The following DHPS variants were observed in gnomAD, a reference collection of about 807,000 sequenced individuals.
The protein encoded by DHPS is migration-inducing gene 13.
A neutral mutation model predicts 38.7 loss-of-function variants in DHPS; 24 were observed. The ratio of observed to expected loss-of-function variants is 0.62; its 90% CI spans 0.45 to 0.87. DHPS has a LOEUF of 0.87. DHPS is among the 40% of genes least tolerant of loss of function. The pLI is 0.00. For synonymous variants in DHPS, 250 were observed against 204.4 expected (o/e 1.22, Z -1.90); for missense variants, 510 against 497.6 (o/e 1.02, Z -0.24).
downstream of DHPS, chr19:12,673,408 AT>A: frequency 7.5e-6 from 2 of 266,042 alleles, no homozygotes; most frequent in African/African-American, 5.8e-5. Flanking sequence ...GAAGGCTAGG[AT>A]CTTTTTTTTT....
Position 12,680,317 on chromosome 19 carries a change from C to A in DHPS, c.216G>T (p.Lys72Asn). 1 of 1,614,128 alleles carries A rather than the reference C, an allele frequency of 6.2e-7. No homozygotes were observed. The highest frequency in any genetic ancestry group is 1.1e-5 in the South Asian group (1 of 91,078). ...CATCCTGTGACAGTGGTTCCAGCTT[C>A]TTCTCGATCTGTGAGTAAGGGCCAA... ...AVQQVNAMIEKKLEPLSQDED... is the reference protein window; with the variant it reads ...AVQQVNAMIENKLEPLSQDED... The change falls in exon 2 of 9, where the codon AAG (lysine) becomes AAT (asparagine). Residue 72 changes from lysine to asparagine, a missense_variant. By Grantham distance (94) the Lys-to-Asn change is moderately conservative. Coordinates refer to ENST00000210060, the MANE Select transcript of DHPS (RefSeq NM_001930.4).
rs199984915 is a variant in DHPS at position 12,681,709 on chromosome 19, G to T, written c.58C>A (p.His20Asn). 1 of 1,613,772 alleles carries T rather than the reference G, an allele frequency of 6.2e-7. No individual in the cohort carries two copies. Among genetic ancestry groups the T allele is most frequent in the Non-Finnish European group, 8.5e-7 (1 of 1,180,022 alleles). Reference protein sequence around the residue: ...PAGALAAVLKHSSTLPPESTQ... With the variant: ...PAGALAAVLKNSSTLPPESTQ... ...CTTTCGGGCGGCAACGTCGAGCTGT[G>T]CTTTAGCACGGCGGCCAGCGCCCCC... is the stretch of plus-strand genomic sequence containing the variant. Residue 20 changes from histidine to asparagine, a missense_variant, in exon 1 of 9, where the codon CAC becomes AAC. Coordinates refer to ENST00000210060, the MANE Select transcript of DHPS (RefSeq NM_001930.4).
Position 12,679,835 on chromosome 19 carries a change from T to C in DHPS, c.460A>G (p.Arg154Gly), listed in dbSNP as rs779540769. The stretch of plus-strand genomic sequence containing the variant: ...CCGTTCTCCCGGAGCTCCTTCCCCC[T>C]GAGGCTAAACTCGCCCAAGTATGTG... ...APTYLGEFSL[R>G]GKELRENGIN... The change falls in exon 3 of 9, where the codon AGG (arginine) becomes GGG (glycine). Residue 154 changes from arginine to glycine, a missense_variant. By Grantham distance (125) the Arg-to-Gly change is moderately radical. Coordinates refer to ENST00000210060, the MANE Select transcript of DHPS (RefSeq NM_001930.4). The C allele has an allele frequency of 4.3e-6, 7 of 1,613,914 alleles. No individual in the cohort carries two copies. Among genetic ancestry groups the C allele is most frequent in the Admixed American group, 1.7e-5 (1 of 60,010 alleles).
At chr19:12,673,404 T>C, downstream of DHPS, 1 of 514,266 alleles carries the variant, frequency 1.9e-6, no homozygotes, top group South Asian at 2.2e-5. Flanking sequence ...GCCTGAAGGC[T>C]AGGATCTTTT....
At chr19:12,681,261 G>C (rs1040098531) in intron 1 of DHPS, 7 of 1,295,090 alleles carry the variant, frequency 5.4e-6, no homozygotes, top group African/African-American at 4.5e-5. Flanking sequence ...CCCTTAATTT[G>C]TCTTGCCCCA....
In DHPS at chr19:12,679,480, A is replaced by G. The variant is rs2024726180; in HGVS notation, c.655T>C (p.Ser219Pro). The change falls in exon 5 of 9, where the codon TCC (serine) becomes CCC (proline). Residue 219 changes from serine to proline, a missense_variant. Coordinates refer to ENST00000210060, the MANE Select transcript of DHPS (RefSeq NM_001930.4). ...ACCTTCTGGGCCCAGTAATACACGG[A>G]CTCTGGGTTGTTGATCTCCTTGCCC... ...RLGKEINNPE[S>P]VYYWAQKNHI... 1 of 1,613,734 alleles carries G rather than the reference A, an allele frequency of 6.2e-7. No homozygotes were observed. Among genetic ancestry groups the G allele is most frequent in the Non-Finnish European group, 8.5e-7 (1 of 1,179,954 alleles).
chr19:12,675,969 C>T (rs763581203), intron 8 of DHPS, 36 bp from the exon 9 acceptor site: 1 of 1,606,102 alleles, frequency 6.2e-7, no homozygotes, highest in South Asian at 1.1e-5. Context: ...CCATGGGACC[C>T]ACACTCATCG....
intron 1 of DHPS, 150 bp downstream of exon 1, chr19:12,681,410 G>T: frequency 9.2e-7 from 1 of 1,087,396 alleles, no homozygotes. Context: ...AGAAACTCCC[G>T]CCCAGAATAG....
downstream of DHPS, among the ~76,000 whole-genome samples, chr19:12,674,447 C>T (rs2024511152): frequency 1.3e-5 from 2 of 151,990 alleles, no homozygotes; most frequent in South Asian, 4.2e-4. Flanking sequence ...TGGAGGGAAC[C>T]GGGGGGGCCC....
chr19:12,681,108 A>T, intron 1 of DHPS: 1 of 1,276,306 alleles, frequency 7.8e-7, no homozygotes, highest in Non-Finnish European at 1.0e-6. Flanking sequence ...CTGGGATTAT[A>T]GGCATGCGCC....
intron 7 of DHPS, 181 bp from the exon 8 acceptor site, chr19:12,676,323 C>T (rs906853332): frequency 2.8e-5 from 22 of 781,506 alleles, no homozygotes; most frequent in African/African-American, 2.4e-4. Flanking sequence ...TGCTGGGCAA[C>T]GATGGCTGTG....
intron 1 of DHPS, 112 bp from the exon 2 acceptor site, chr19:12,680,437 A>G: frequency 8.7e-7 from 1 of 1,153,030 alleles, no homozygotes; most frequent in South Asian, 1.4e-5. Context: ...TCAGGGATAC[A>G]GGACCAGTTC....
intron 2 of DHPS, 21 bp downstream of exon 2, chr19:12,680,140 A>G: frequency 6.2e-7 from 1 of 1,613,240 alleles, no homozygotes; most frequent in Non-Finnish European, 8.5e-7. Context: ...GGCCAAGGCC[A>G]CGGCCTCACC....
intron 1 of DHPS, among the ~76,000 whole-genome samples, 158 bp from the exon 2 acceptor site, chr19:12,680,483 T>C (rs2024769231): frequency 6.6e-6 from 1 of 151,336 alleles, no homozygotes; most frequent in Non-Finnish European, 1.5e-5. Flanking sequence ...GTGTAAACTC[T>C]GCCCCTTCCC....
At chr19:12,674,365 G>C (rs1163610295), downstream of DHPS, among the ~76,000 whole-genome samples, 1 of 152,204 alleles carries the variant, frequency 6.6e-6, no homozygotes, top group East Asian at 1.9e-4. Context: ...AGTGGGGTCA[G>C]AGCCGGGGGA....
Position 12,679,317 on chromosome 19 carries a change from A to G in DHPS, c.678+140T>C, listed in dbSNP as rs2024719192. 4.1e-5 allele frequency: 34 copies of G among 826,854 alleles called. No homozygotes were observed. The South Asian group carries it at 5.5e-4, about 13-fold the overall frequency. The allele number at this position is 826,854 out of a possible 1,614,324, so 51.2% of individuals were successfully genotyped here. ...TGTCTCAAAAAAAAAAAAAATTACCACGCCTATCTGTGTTTGAGTCTCCTC... is the reference window on the plus strand; with the variant it reads ...TGTCTCAAAAAAAAAAAAAATTACCGCGCCTATCTGTGTTTGAGTCTCCTC... On this transcript the variant is annotated intron_variant, in intron 5 of 8. Transcript: ENST00000210060.
rs1186692469 is a variant in DHPS at position 12,679,388 on chromosome 19, AG to A, written c.678+68del. On this transcript the variant is annotated intron_variant, in intron 5 of 8. Transcript: ENST00000210060. ...AGAATAACAGTACTGAATCCCCAGGAGGCTGGAAAGATGAAATAAGTTAACA... is the reference window on the plus strand; with the variant it reads ...AGAATAACAGTACTGAATCCCCAGGAGCTGGAAAGATGAAATAAGTTAACA... 4.3e-6 allele frequency: 6 copies of A among 1,395,862 alleles called. No individual in the cohort carries two copies. In the African/African-American group the frequency reaches 8.5e-5, roughly 20 times the overall value. The allele number at this position is 1,395,862 out of a possible 1,614,324, so 86.5% of individuals were successfully genotyped here.
chr19:12,676,455 A>G (rs1370222882), intron 7 of DHPS: 2 of 353,264 alleles, frequency 5.7e-6, no homozygotes, highest in Non-Finnish European at 1.1e-5. Flanking sequence ...TGATCCCTGC[A>G]TGGTCACCAC....
In DHPS at chr19:12,681,768, C is replaced by G; in HGVS notation, c.-2G>C. The G allele has an allele frequency of 1.2e-6, 2 of 1,605,596 alleles. No homozygotes were observed. The highest frequency in any genetic ancestry group is 8.5e-7 in the Non-Finnish European group (1 of 1,179,184). ...CTCCCGTTCCAGGGAACCTTCCATG[C>G]GCCTATAGCCGGCTCTCGAGTCAAA... is the stretch of plus-strand genomic sequence containing the variant. On this transcript the variant is annotated 5_prime_UTR_variant, in exon 1 of 9. Transcript: ENST00000210060.
Sources: allele counts gnomAD v4.1 joint callset (sites outside exome capture counted in the v4.1 genomes callset), GRCh38; gene constraint gnomAD v4.1.1; transcripts MANE v1.5; gene names NCBI Gene and HGNC (gene_info 2026-07-23, HGNC 2026-07-21).